Variants in DDX54 observed in about 807,000 individuals in gnomAD.
The protein encoded by DDX54 is ATP-dependent RNA helicase DDX54.
A neutral mutation model predicts 105.5 loss-of-function variants in DDX54; 67 were observed. The ratio of observed to expected loss-of-function variants is 0.64; its 90% confidence interval spans 0.52 to 0.78. The LOEUF (loss-of-function observed/expected upper bound fraction) is 0.78, where lower values mean the gene tolerates loss of function less well. DDX54 is among the 30% of genes least tolerant of loss of function. The pLI is 0.00. For synonymous variants in DDX54, 514 were observed against 509.9 expected, an observed-to-expected ratio of 1.01 and a Z score of -0.11; for missense variants, 1,206 against 1,230.5, an observed-to-expected ratio of 0.98 and a Z score of 0.30.
Position 113,159,090 on chromosome 12 carries a change from G to A in DDX54, c.2433C>T (p.Ala811=). The part of the protein sequence containing the change: ...DRGQGASRPH[A]PGTPAGRVRP... ...GGACTCGGCCTGCAGGGGTGCCTGG[G>A]GCGTGGGGCCGGGATGCACCTGCTG... The change falls in exon 20 of 20, where the codon GCC becomes GCT. Residue 811 remains alanine (A), a synonymous_variant. Coordinates refer to ENST00000306014, the MANE Select transcript of DDX54 (RefSeq NM_024072.4). 6.2e-7 allele frequency: 1 copy of A among 1,603,784 alleles called. No individual in the cohort carries two copies. Among genetic ancestry groups the A allele is most frequent in the Non-Finnish European group, 8.5e-7 (1 of 1,176,238 alleles).
intron 11 of DDX54, among the ~76,000 whole-genome samples, chr12:113,171,931 T>C (rs1952344897): frequency 6.6e-6 from 1 of 152,166 alleles, no homozygotes; most frequent in Non-Finnish European, 1.5e-5. Flanking sequence ...TCAGCCAGCC[T>C]GCCTTGAGCA....
chr12:113,168,363 A>G (rs1253656741), intron 12 of DDX54, among the ~76,000 whole-genome samples: 1 of 152,166 alleles, frequency 6.6e-6, no homozygotes. Context: ...TCTGAGCTTG[A>G]GTCTTGGGCC....
intron 1 of DDX54, 129 bp downstream of exon 1, chr12:113,185,149 C>A: frequency 8.1e-7 from 1 of 1,230,224 alleles, no homozygotes; most frequent in South Asian, 1.8e-5. Context: ...CAAGACCGGT[C>A]CTCGGGTCGG....
At chr12:113,159,357 A>G (rs1254097189) in intron 19 of DDX54, 5 of 503,310 alleles carry the variant, frequency 9.9e-6, no homozygotes, top group Non-Finnish European at 1.0e-5. Context: ...GCAAGAAGTT[A>G]ACGGCTCTGT....
intron 14 of DDX54, among the ~76,000 whole-genome samples, chr12:113,165,320 A>C (rs1471241935): frequency 1.3e-5 from 2 of 152,152 alleles, no homozygotes; most frequent in African/African-American, 4.8e-5. Context: ...TCAGGCCTCT[A>C]ACAGACCAGA....
chr12:113,179,840 T>C, intron 3 of DDX54, 95 bp downstream of exon 3: 1 of 1,408,186 alleles, frequency 7.1e-7, no homozygotes, highest in East Asian at 2.3e-5. Flanking sequence ...GCAGGAGATG[T>C]GACAGGTGGG....
At chr12:113,164,412 C>A in intron 14 of DDX54, 127 bp from the exon 15 acceptor site, 1 of 1,202,732 alleles carries the variant, frequency 8.3e-7, no homozygotes, top group African/African-American at 1.5e-5. Flanking sequence ...CTGCACTTCA[C>A]AATTAGATAG....
Position 113,180,014 on chromosome 12 carries a change from G to A in DDX54, c.305-9C>T, listed in dbSNP as rs758810774. ...CACCGGGTAGCTCAGGCCTGGGAGA[G>A]ACATGAAACGGTCAGGGGGCCGAGG... On this transcript the variant is annotated splice_polypyrimidine_tract_variant and intron_variant, in intron 2 of 19. Coordinates refer to ENST00000306014, the MANE Select transcript of DDX54 (RefSeq NM_024072.4). The A allele has an allele frequency of 3.7e-6, 6 of 1,613,846 alleles. No individual in the cohort carries two copies. Among genetic ancestry groups the A allele is most frequent in the Non-Finnish European group, 5.1e-6 (6 of 1,179,988 alleles).
At chr12:113,179,570 C>A (rs1457630678) in intron 3 of DDX54, among the ~76,000 whole-genome samples, 1 of 152,210 alleles carries the variant, frequency 6.6e-6, no homozygotes, top group Non-Finnish European at 1.5e-5. Context: ...TTCGGAGGAG[C>A]CAGACTCTAC....
Position 113,161,231 on chromosome 12 carries a change from G to A in DDX54, c.2413+39C>T. ...ACCCTAATCTGACCACAACTGCTCT[G>A]CCTACCTGTGCACCCACACTCCCCA... On this transcript the variant is annotated intron_variant, in intron 19 of 19. Transcript: ENST00000306014. 2.0e-6 allele frequency: 3 copies of A among 1,537,602 alleles called. No individual in the cohort carries two copies. The African/African-American group carries it at 4.1e-5, about 21-fold the overall frequency.
At chr12:113,177,210 T>G in intron 5 of DDX54, 117 bp from the exon 6 acceptor site, 2 of 1,257,398 alleles carry the variant, frequency 1.6e-6, no homozygotes, top group Non-Finnish European at 2.2e-6. Flanking sequence ...ACCCAAGGCT[T>G]GGAACTGAGG....
intron 19 of DDX54, among the ~76,000 whole-genome samples, chr12:113,160,884 A>G (rs140625621): frequency 8.8e-4 from 134 of 152,282 alleles, no homozygotes; most frequent in African/African-American, 3.0e-3. Flanking sequence ...GCATTTGCAC[A>G]AGGTTCCACC....
intron 1 of DDX54, among the ~76,000 whole-genome samples, chr12:113,182,659 G>A (rs1952479962): frequency 6.6e-6 from 1 of 151,236 alleles, no homozygotes; most frequent in African/African-American, 2.4e-5. Context: ...CTGGGTCCAA[G>A]CAATTCTCCT....
intron 1 of DDX54, among the ~76,000 whole-genome samples, chr12:113,181,439 T>A (rs980129751): frequency 6.6e-6 from 1 of 151,898 alleles, no homozygotes; most frequent in African/African-American, 2.4e-5. Context: ...ACTACAGGCG[T>A]ATACTACCAC....
intron 5 of DDX54, 25 bp downstream of exon 5, chr12:113,178,952 C>T (rs1407477502): frequency 6.2e-7 from 1 of 1,613,446 alleles, no homozygotes; most frequent in Non-Finnish European, 8.5e-7. Context: ...GGTGGTGACC[C>T]TGGCATGGGG....
chr12:113,162,800 C>A, intron 17 of DDX54, 132 bp downstream of exon 17: 3 of 827,224 alleles, frequency 3.6e-6, no homozygotes, highest in South Asian at 3.7e-5. Context: ...CATGGAGGGG[C>A]GGCTCACTCA....
intron 12 of DDX54, chr12:113,167,964 C>T (rs117291153): frequency 0.021 from 10,658 of 507,534 alleles, 168 homozygotes; most frequent in Middle Eastern, 0.038. Flanking sequence ...CTCCCTTGGC[C>T]CTTGCACTCT....
rs1179538105 is a variant in DDX54 at position 113,159,109 on chromosome 12, C to T, written c.2414G>A (p.Gly805Asp). 4.4e-6 allele frequency: 7 copies of T among 1,590,874 alleles called. No individual in the cohort carries two copies. Among genetic ancestry groups the T allele is most frequent in the Non-Finnish European group, 6.0e-6 (7 of 1,169,844 alleles). ...RRGGKRDRGQ[G>D]ASRPHAPGTP... ...GCCTGGGGCGTGGGGCCGGGATGCA[C>T]CTGCTGGGACAGGGATTCAGGGAGC... The change falls in exon 20 of 20, where the codon GGT (glycine) becomes GAT (aspartate). Residue 805 changes from glycine (G) to aspartate (D), a missense_variant and splice_region_variant. By Grantham distance (94) the Gly-to-Asp change is moderately conservative. Coordinates refer to ENST00000306014, the MANE Select transcript of DDX54 (RefSeq NM_024072.4).
chr12:113,172,649 C>T, intron 10 of DDX54, 86 bp from the exon 11 acceptor site: 4 of 1,506,372 alleles, frequency 2.7e-6, no homozygotes, highest in Non-Finnish European at 3.6e-6. Flanking sequence ...GGGACGGGCA[C>T]TGAGGTGCAG....
Sources: allele counts gnomAD v4.1 joint callset (sites outside exome capture counted in the v4.1 genomes callset), GRCh38; gene constraint gnomAD v4.1.1; transcripts MANE v1.5; gene names NCBI Gene and HGNC (gene_info 2026-07-23, HGNC 2026-07-21).